Variants in NEBL observed in about 807,000 individuals in gnomAD.
NEBL encodes the protein LIM and SH3 protein 2.
In NEBL, 122 loss-of-function variants were observed where a neutral mutation model predicts 140.2. The ratio of observed to expected loss-of-function variants is 0.87; its 90% confidence interval spans 0.75 to 1.01. NEBL has a LOEUF of 1.01. Ranked by LOEUF, NEBL falls within the 50% of genes least tolerant of loss-of-function variation. The probability of loss-of-function intolerance (pLI) is 0.00; values close to 1 mark genes in which losing one functional copy is unlikely to be tolerated. For synonymous variants in NEBL, 436 were observed against 398.9 expected (o/e 1.09, Z -1.11); for missense variants, 1,365 against 1,231.3 (o/e 1.11, Z -1.62).
intron 22 of NEBL, among the ~76,000 whole-genome samples, chr10:20,815,177 C>T (rs879879448): frequency 2.6e-5 from 4 of 152,186 alleles, no homozygotes; most frequent in East Asian, 1.9e-4. Flanking sequence ...CTGAATTCTA[C>T]GTTAACTGTA....
chr10:20,986,353 G>A (rs1332190574), intron 3 of NEBL, among the ~76,000 whole-genome samples: 1 of 152,136 alleles, frequency 6.6e-6, no homozygotes, highest in Non-Finnish European at 1.5e-5. Context: ...ATATCTCATT[G>A]ACCTAAGCAA....
rs1839524142 is a variant in NEBL at position 20,823,226 on chromosome 10, G to GT, written c.1943dup (p.Asn648LysfsTer11). 1.2e-6 allele frequency: 2 copies of GT among 1,607,042 alleles called. No homozygotes were observed. The highest frequency in any genetic ancestry group is 4.5e-5 in the East Asian group (2 of 44,714). On this transcript the variant is annotated frameshift_variant, in exon 19 of 28. Coordinates refer to ENST00000377122, the MANE Select transcript of NEBL (RefSeq NM_006393.3). LOFTEE classifies it high-confidence loss of function. ...TGATCACATTGCTGATGTTCTTCTG[G>GT]TTTTCTTTAACTCTCTTTAGTTCTG... is the stretch of plus-strand genomic sequence containing the variant.
At chr10:20,830,021 T>C (rs1229046032) in intron 16 of NEBL, among the ~76,000 whole-genome samples, 1 of 152,178 alleles carries the variant, frequency 6.6e-6, no homozygotes, top group Non-Finnish European at 1.5e-5. Context: ...CTTAGGATTT[T>C]AGTTAAGCTG....
chr10:20,851,588 A>G (rs935275494), intron 10 of NEBL, among the ~76,000 whole-genome samples: 2 of 151,420 alleles, frequency 1.3e-5, no homozygotes, highest in African/African-American at 4.9e-5. Flanking sequence ...AGCCTGGCCA[A>G]TATAGTGAAA....
chr10:20,979,976 A>T (rs924409338), intron 3 of NEBL, among the ~76,000 whole-genome samples: 19 of 152,108 alleles, frequency 1.2e-4, no homozygotes, highest in African/African-American at 4.6e-4. Flanking sequence ...TACAGAAGTT[A>T]ACCACCACAA....
intron 2 of NEBL, among the ~76,000 whole-genome samples, chr10:21,096,528 T>A (rs1564509994): frequency 6.7e-6 from 1 of 148,508 alleles, no homozygotes; most frequent in Non-Finnish European, 1.5e-5. Context: ...TGTGTGTGTG[T>A]TTTGAGACAG....
chr10:21,108,100 T>A (rs1355089238), intron 2 of NEBL, among the ~76,000 whole-genome samples: 5 of 152,194 alleles, frequency 3.3e-5, no homozygotes, highest in Non-Finnish European at 5.9e-5. Flanking sequence ...TTGTTGATCT[T>A]TTCAAAAAAA....
At chr10:21,218,549 T>C (rs961418359) in intron 3 of NEBL, among the ~76,000 whole-genome samples, 1 of 152,182 alleles carries the variant, frequency 6.6e-6, no homozygotes, top group African/African-American at 2.4e-5. Context: ...AAATAAATTA[T>C]TTAAAAGAGG....
At chr10:21,273,013 A>G (rs1422413811) in intron 1 of NEBL, among the ~76,000 whole-genome samples, 1 of 152,124 alleles carries the variant, frequency 6.6e-6, no homozygotes, top group African/African-American at 2.4e-5. Flanking sequence ...CAAACAAACA[A>G]AAATCTAGGT....
chr10:21,201,736 T>A (rs1008132695), intron 3 of NEBL, among the ~76,000 whole-genome samples: 2 of 152,208 alleles, frequency 1.3e-5, no homozygotes, highest in Admixed American at 1.3e-4. Context: ...TTTTTGGTAA[T>A]ATTTTCATAG....
At chr10:21,284,082 C>T (rs909586910) in intron 1 of NEBL, among the ~76,000 whole-genome samples, 1 of 147,968 alleles carries the variant, frequency 6.8e-6, no homozygotes, top group East Asian at 2.0e-4. Flanking sequence ...TGGTGGCTCA[C>T]GCCTGTAGTC....
At chr10:21,287,951 T>C (rs1019825307) in intron 1 of NEBL, among the ~76,000 whole-genome samples, 48 of 152,362 alleles carry the variant, frequency 3.2e-4, no homozygotes, top group African/African-American at 1.1e-3. Flanking sequence ...CATATGTTCA[T>C]ATCCATATAC....
In NEBL at chr10:20,972,175, A is replaced by C. The variant is rs563352746; in HGVS notation, c.250-10396T>G. ...AATATAAACAAAGTGAACTAACACA[A>C]AACAGTCATGAAAGTGAAAATAACC... On this transcript the variant is annotated intron_variant, in intron 3 of 6. Coordinates refer to the NEBL transcript ENST00000417816. Among the ~76,000 whole-genome samples the C allele has an allele frequency of 7.2e-5, 11 of 152,350 alleles. No homozygotes were observed. In the South Asian group the frequency reaches 2.1e-3, roughly 29 times the overall value.
At chr10:21,198,542 T>A (rs893793435) in intron 3 of NEBL, among the ~76,000 whole-genome samples, 3 of 152,216 alleles carry the variant, frequency 2.0e-5, no homozygotes, top group Non-Finnish European at 4.4e-5. Flanking sequence ...AGAGGTGGGC[T>A]ACTCAGAGCA....
intron 2 of NEBL, among the ~76,000 whole-genome samples, chr10:21,130,656 T>G (rs538476730): frequency 7.9e-5 from 12 of 152,012 alleles, no homozygotes; most frequent in Non-Finnish European, 1.8e-4. Context: ...AAAGAATAAA[T>G]CTCAAGATAA....
At chr10:21,241,055 T>A (rs1842432482) in intron 3 of NEBL, among the ~76,000 whole-genome samples, 1 of 152,054 alleles carries the variant, frequency 6.6e-6, no homozygotes, top group South Asian at 2.1e-4. Context: ...TGGCTTTATT[T>A]TTATCAGCTT....
intron 3 of NEBL, among the ~76,000 whole-genome samples, chr10:21,215,564 G>A (rs927567670): frequency 4.6e-5 from 7 of 152,158 alleles, no homozygotes; most frequent in Non-Finnish European, 1.0e-4. Flanking sequence ...AATACTGCAA[G>A]TGCCACAAAA....
intron 8 of NEBL, among the ~76,000 whole-genome samples, chr10:20,859,346 CA>C (rs1843422846): frequency 6.6e-6 from 1 of 151,796 alleles, no homozygotes; most frequent in African/African-American, 2.4e-5. Context: ...TACCATGTAC[CA>C]GGCAGTACTT....
rs770476519 is a variant in NEBL, at chr10:21,172,491, A to AG, written c.70-15_70-14insC. On this transcript the variant is annotated splice_polypyrimidine_tract_variant and intron_variant, in intron 1 of 6. Transcript: ENST00000417816. Reference sequence around the variant, plus strand: ...TTTATGCCAATACTGGAAAAAAAAAAAAAACATTTAAAAATACAGTACAAT... The same window carrying AG: ...TTTATGCCAATACTGGAAAAAAAAAAGAAAACATTTAAAAATACAGTACAAT... 12 of 1,598,694 alleles carry AG rather than the reference A, an allele frequency of 7.5e-6. No individual in the cohort carries two copies. The South Asian group carries it at 1.2e-4, about 16-fold the overall frequency.
Sources: allele counts gnomAD v4.1 joint callset (sites outside exome capture counted in the v4.1 genomes callset), GRCh38; gene constraint gnomAD v4.1.1; transcripts MANE v1.5; gene names NCBI Gene and HGNC (gene_info 2026-07-23, HGNC 2026-07-21).